The following GRK7 variants were observed in gnomAD, a reference collection of about 807,000 sequenced individuals.
GRK7 encodes the protein rhodopsin kinase GRK7.
GRK7 carries 24 observed loss-of-function variants against 34.1 expected under a neutral mutation model. The observed-to-expected ratio is 0.70, with a 90% confidence interval of 0.51 to 0.99. The LOEUF is 0.99. Among genes scored for constraint, GRK7 ranks in the 50% least tolerant of loss-of-function variants. The probability of loss-of-function intolerance (pLI) is 0.00; values close to 1 mark genes in which losing one functional copy is unlikely to be tolerated. For synonymous variants in GRK7, 256 were observed against 279.4 expected (o/e 0.92, Z 0.84); for missense variants, 644 against 707.3 (o/e 0.91, Z 1.02).
chr3:141,808,587 C>A (rs958369788), intron 5 of GRK7, among the ~76,000 whole-genome samples: 1 of 151,940 alleles, frequency 6.6e-6, no homozygotes, highest in Non-Finnish European at 1.5e-5. Flanking sequence ...GTGGCAGGTG[C>A]CTGTAATCCC....
chr3:141,768,371 G>A lies in GRK7; in HGVS notation c.-215+2633G>A, dbSNP rs115918406. ...GACTCCGCCTCAGCCTCCGCCTCCC[G>A]GGTTCCAGTGATTCTCCAGCCTCAG... On this transcript the variant is annotated intron_variant, in intron 1 of 5. Transcript: ENST00000682958. Among the ~76,000 whole-genome samples the A allele has an allele frequency of 7.3e-3, 1,097 of 150,246 alleles. 13 individuals are homozygous for A. Among genetic ancestry groups the A allele is most frequent in the East Asian group, 0.066 (331 of 5,034 alleles).
chr3:141,791,006 G>A (rs1369265402), intron 4 of GRK7, among the ~76,000 whole-genome samples: 1 of 152,180 alleles, frequency 6.6e-6, no homozygotes, highest in Non-Finnish European at 1.5e-5. Context: ...GATCATGCTT[G>A]TACTTTTTAA....
intron 4 of GRK7, among the ~76,000 whole-genome samples, chr3:141,786,722 A>G (rs555484766): frequency 7.8e-4 from 119 of 151,948 alleles, no homozygotes; most frequent in Non-Finnish European, 1.5e-3. Flanking sequence ...AGGTTGCAGT[A>G]AGCCAAGATC....
At position 141,771,862 on chromosome 3, in the gene GRK7, T is replaced by G. The variant is rs550896338; in HGVS notation, c.-214-2718T>G. On this transcript the variant is annotated intron_variant, in intron 1 of 5. Coordinates refer to ENST00000682958, the MANE Select transcript of GRK7 (RefSeq NM_139209.3). Reference sequence around the variant, plus strand: ...ACCATGCCCGGCTAATTTTTGTATTTTTAGTAGACACAGGGTTTCACCATA... The same window carrying G: ...ACCATGCCCGGCTAATTTTTGTATTGTTAGTAGACACAGGGTTTCACCATA... 4.0e-5 allele frequency among the ~76,000 whole-genome samples: 6 copies of G among 151,730 alleles called. No homozygotes were observed. The South Asian group carries it at 1.3e-3, about 32-fold the overall frequency.
At chr3:141,796,711 C>T (rs556751163) in intron 4 of GRK7, among the ~76,000 whole-genome samples, 2 of 152,308 alleles carry the variant, frequency 1.3e-5, no homozygotes, top group East Asian at 3.9e-4. Context: ...GAAAGTATGC[C>T]TCAGCCTGCT....
intron 4 of GRK7, among the ~76,000 whole-genome samples, chr3:141,799,773 A>T (rs1710932229): frequency 6.6e-6 from 1 of 152,154 alleles, no homozygotes; most frequent in Admixed American, 6.5e-5. Context: ...CACTACAGAA[A>T]ATATTTAGCA....
intron 1 of GRK7, among the ~76,000 whole-genome samples, 72 bp from the exon 2 acceptor site, chr3:141,774,508 C>G (rs2084630482): frequency 6.6e-6 from 1 of 152,188 alleles, no homozygotes; most frequent in South Asian, 2.1e-4. Context: ...ACATGTTCAC[C>G]AGTGAAAGCA....
chr3:141,786,672 G>A (rs1387262638), intron 4 of GRK7, among the ~76,000 whole-genome samples: 2 of 152,024 alleles, frequency 1.3e-5, no homozygotes, highest in Non-Finnish European at 2.9e-5. Flanking sequence ...CAGCTACTTG[G>A]GAGGCTGAGG....
At chr3:141,769,784 G>A (rs1263986405) in intron 1 of GRK7, among the ~76,000 whole-genome samples, 1 of 152,170 alleles carries the variant, frequency 6.6e-6, no homozygotes, top group African/African-American at 2.4e-5. Context: ...CTGCATCTCC[G>A]ATCTTTCAGC....
Position 141,780,779 on chromosome 3 carries a change from G to C in GRK7, c.1018G>C (p.Glu340Gln). ...CRLSDLGLAV[E>Q]MKGGKPITQR... ...GTTATCTGACCTGGGGCTGGCCGTG[G>C]AGATGAAGGGTGGCAAGCCCATCAC... The change falls in exon 4 of 6, where the codon GAG (glutamate) becomes CAG (glutamine). Residue 340 changes from glutamate to glutamine, a missense_variant. By Grantham distance (29) the Glu-to-Gln change is conservative (BLOSUM62 2). Coordinates refer to ENST00000682958, the MANE Select transcript of GRK7 (RefSeq NM_139209.3). The C allele has an allele frequency of 6.2e-7, 1 of 1,613,982 alleles. No homozygotes were observed.
chr3:141,783,726 C>T (rs534781529), intron 4 of GRK7, among the ~76,000 whole-genome samples: 2 of 151,870 alleles, frequency 1.3e-5, no homozygotes, highest in African/African-American at 2.4e-5. Flanking sequence ...GAGGGCAGAG[C>T]GGGTTTAGAT....
intron 4 of GRK7, among the ~76,000 whole-genome samples, chr3:141,799,247 G>A (rs1251324785): frequency 6.6e-6 from 1 of 152,186 alleles, no homozygotes; most frequent in Non-Finnish European, 1.5e-5. Context: ...AAGAAATCCT[G>A]AAGGGAACTT....
Position 141,807,936 on chromosome 3 carries a change from CAG to C in GRK7, c.1325+22_1325+23del. 3 of 1,556,266 alleles carry C rather than the reference CAG, an allele frequency of 1.9e-6. No individual in the cohort carries two copies. The highest frequency in any genetic ancestry group is 4.5e-5 in the East Asian group (2 of 44,438). On this transcript the variant is annotated intron_variant, in intron 5 of 5. Coordinates refer to ENST00000682958, the MANE Select transcript of GRK7 (RefSeq NM_139209.3). The stretch of plus-strand genomic sequence containing the variant: ...AGGAAGCAGGTAAACTAGCATGTAA[CAG>C]AGAGGATTGCTGACACCAGTATTGT...
At chr3:141,777,863 T>C (rs2084647713) in intron 2 of GRK7, among the ~76,000 whole-genome samples, 1 of 152,128 alleles carries the variant, frequency 6.6e-6, no homozygotes, top group Non-Finnish European at 1.5e-5. Context: ...AGCTTGAGGC[T>C]GATAGGAAAC....
In GRK7 at chr3:141,793,800, T is replaced by C. The variant is rs148691125; in HGVS notation, c.1050+12989T>C. On this transcript the variant is annotated intron_variant, in intron 4 of 5. Coordinates refer to ENST00000682958, the MANE Select transcript of GRK7 (RefSeq NM_139209.3). Reference sequence around the variant, plus strand: ...GCTGCATAAATTTGGGGGCTCACTGTGAAATAAAAATATAGGGCCTCTTCT... The same window carrying C: ...GCTGCATAAATTTGGGGGCTCACTGCGAAATAAAAATATAGGGCCTCTTCT... Among the ~76,000 whole-genome samples the C allele has an allele frequency of 2.7e-3, 417 of 152,310 alleles. 4 individuals carry two copies. Among genetic ancestry groups the C allele is most frequent in the African/African-American group, 9.7e-3 (402 of 41,560 alleles).
At position 141,794,267 on chromosome 3, in the gene GRK7, C is replaced by G. The variant is rs147704866; in HGVS notation, c.1051-13378C>G. ...ATTAAACCCCAGTAAAGGTATGCCT[C>G]TGAGCACAGGGCCCTGTCCATGGGC... is the stretch of plus-strand genomic sequence containing the variant. On this transcript the variant is annotated intron_variant, in intron 4 of 5. Transcript: ENST00000682958. Among the ~76,000 whole-genome samples the G allele has an allele frequency of 4.8e-3, 737 of 152,336 alleles. 1 individual carries two copies. The highest frequency in any genetic ancestry group is 8.0e-3 in the Non-Finnish European group (543 of 68,030).
At chr3:141,770,674 A>G (rs184404026) in intron 1 of GRK7, among the ~76,000 whole-genome samples, 152 of 152,322 alleles carry the variant, frequency 1.0e-3, no homozygotes, top group East Asian at 5.8e-4. Flanking sequence ...ACCACTAATG[A>G]TCAGAGAAAT....
intron 1 of GRK7, among the ~76,000 whole-genome samples, chr3:141,773,185 A>G (rs2084624098): frequency 6.6e-6 from 1 of 151,886 alleles, no homozygotes; most frequent in Admixed American, 6.6e-5. Context: ...AAAGAAATAT[A>G]TCCTCTTTTC....
chr3:141,807,786 G>T lies in GRK7; in HGVS notation c.1192G>T (p.Val398Phe), dbSNP rs141435292. The change falls in exon 5 of 6, where the codon GTC (valine) becomes TTC (phenylalanine). Residue 398 changes from valine (V) to phenylalanine (F), a missense_variant. Transcript: ENST00000682958. ...RTPFKDYKEKVSKEDLKQRTL... is the reference protein window; with the variant it reads ...RTPFKDYKEKFSKEDLKQRTL... ...ACCATTCAAAGATTACAAGGAAAAG[G>T]TCAGTAAAGAGGATCTGAAGCAAAG... 2.6e-4 allele frequency: 426 copies of T among 1,614,196 alleles called. No homozygotes were observed. The highest frequency in any genetic ancestry group is 2.5e-3 in the East Asian group (110 of 44,886).
Sources: allele counts gnomAD v4.1 joint callset (sites outside exome capture counted in the v4.1 genomes callset), GRCh38; gene constraint gnomAD v4.1.1; transcripts MANE v1.5; gene names NCBI Gene and HGNC (gene_info 2026-07-23, HGNC 2026-07-21).